Variants in PDE4B observed in about 807,000 individuals in gnomAD.
PDE4B encodes the protein phosphodiesterase 4B, also known as 3',5'-cyclic-AMP phosphodiesterase 4B.
A neutral mutation model predicts 82.2 loss-of-function variants in PDE4B; 20 were observed. That is an observed-to-expected ratio of 0.24 (90% CI 0.17 to 0.35). The LOEUF (loss-of-function observed/expected upper bound fraction) is 0.35, where lower values mean the gene tolerates loss of function less well. Among genes scored for constraint, PDE4B ranks in the 10% least tolerant of loss-of-function variants. PDE4B has a pLI of 1.00. For synonymous variants in PDE4B, 320 were observed against 318.9 expected, an observed-to-expected ratio of 1.00 and a Z score of -0.04; for missense variants, 655 against 907.2, an observed-to-expected ratio of 0.72 and a Z score of 3.57.
At position 65,962,887 on chromosome 1, in the gene PDE4B, C is replaced by G. The variant is rs76904554; in HGVS notation, c.281+44052C>G. Among the ~76,000 whole-genome samples the G allele has an allele frequency of 1.8e-4, 27 of 152,154 alleles. No homozygotes were observed. The East Asian group carries it at 5.2e-3, about 29-fold the overall frequency. ...AGTGGCTGCTATTAATAATTACAGA[C>G]GAAAACCTCCAAATCACTGGGAAAA... On this transcript the variant is annotated intron_variant, in intron 3 of 16. Coordinates refer to ENST00000341517, the MANE Select transcript of PDE4B (RefSeq NM_002600.4).
At chr1:66,272,126 G>A (rs572413458) in intron 7 of PDE4B, among the ~76,000 whole-genome samples, 5 of 152,296 alleles carry the variant, frequency 3.3e-5, no homozygotes, top group African/African-American at 7.2e-5. Context: ...CCAAACCCTA[G>A]CTGCTGCCTG....
intron 3 of PDE4B, among the ~76,000 whole-genome samples, chr1:66,100,887 T>A (rs1645208232): frequency 6.6e-6 from 1 of 152,140 alleles, no homozygotes; most frequent in African/African-American, 2.4e-5. Flanking sequence ...AACGTGCAGG[T>A]TTGTTGCATA....
chr1:65,794,777 G>A (rs1645612672), intron 1 of PDE4B, among the ~76,000 whole-genome samples: 1 of 152,112 alleles, frequency 6.6e-6, no homozygotes. Flanking sequence ...AAATGGACTG[G>A]AATTTATGAG....
chr1:65,897,797 G>A (rs1569601580), intron 1 of PDE4B, among the ~76,000 whole-genome samples: 2 of 151,982 alleles, frequency 1.3e-5, no homozygotes, highest in African/African-American at 4.8e-5. Context: ...ATTAAAATAT[G>A]AGTGCATGTG....
At chr1:66,202,956 A>G (rs968091209) in intron 3 of PDE4B, among the ~76,000 whole-genome samples, 1 of 151,776 alleles carries the variant, frequency 6.6e-6, no homozygotes, top group African/African-American at 2.4e-5. Context: ...TGGTCTTTAT[A>G]ATTTGGCATG....
intron 3 of PDE4B, among the ~76,000 whole-genome samples, chr1:66,097,862 GT>G (rs34619073): frequency 0.4 from 56,052 of 138,814 alleles, 11,134 homozygotes; most frequent in Non-Finnish European, 0.48. Flanking sequence ...TTGCTGCTGG[GT>G]TTTTTTTTTT....
intron 3 of PDE4B, among the ~76,000 whole-genome samples, chr1:66,000,579 A>G (rs1343806926): frequency 6.6e-6 from 1 of 152,192 alleles, no homozygotes; most frequent in African/African-American, 2.4e-5. Context: ...TTTGACATAA[A>G]TATGTTTGAA....
At chr1:66,090,616 A>AT (rs200925983) in intron 3 of PDE4B, among the ~76,000 whole-genome samples, 46,123 of 87,244 alleles carry the variant, frequency 0.53, 9,156 homozygotes, top group Middle Eastern at 0.59. Context: ...ATATGTATAT[A>AT]ATATATGTGT....
At chr1:66,313,394 T>A (rs980155706) in intron 7 of PDE4B, among the ~76,000 whole-genome samples, 1 of 152,204 alleles carries the variant, frequency 6.6e-6, no homozygotes, top group African/African-American at 2.4e-5. Context: ...TTGTTGCCCC[T>A]GAACCTTGCT....
At chr1:66,317,275 T>C (rs190100541) in intron 7 of PDE4B, among the ~76,000 whole-genome samples, 227 of 152,240 alleles carry the variant, frequency 1.5e-3, no homozygotes, top group African/African-American at 4.8e-3. Flanking sequence ...ACCCCATAAA[T>C]CACCTCAAGA....
intron 1 of PDE4B, among the ~76,000 whole-genome samples, chr1:65,796,884 C>T (rs1645637235): frequency 6.6e-6 from 1 of 151,856 alleles, no homozygotes; most frequent in South Asian, 2.1e-4. Flanking sequence ...CTCCTGACCT[C>T]ATGATCTGCC....
chr1:66,348,617 A>G (rs1241146159), intron 8 of PDE4B, among the ~76,000 whole-genome samples: 1 of 151,598 alleles, frequency 6.6e-6, no homozygotes, highest in Non-Finnish European at 1.5e-5. Flanking sequence ...TGGAAATCCA[A>G]TCTCTTCATA....
intron 3 of PDE4B, among the ~76,000 whole-genome samples, chr1:66,223,943 A>G (rs1490184644): frequency 6.6e-6 from 1 of 152,130 alleles, no homozygotes; most frequent in African/African-American, 2.4e-5. Flanking sequence ...GATAACTTCT[A>G]CGTGCATGTA....
chr1:66,205,744 A>G (rs1649493151), intron 3 of PDE4B, among the ~76,000 whole-genome samples: 1 of 152,240 alleles, frequency 6.6e-6, no homozygotes, highest in South Asian at 2.1e-4. Context: ...TTTTATGTCT[A>G]AAATAGATTC....
chr1:66,338,405 A>G (rs952168878), intron 8 of PDE4B, among the ~76,000 whole-genome samples: 2 of 152,130 alleles, frequency 1.3e-5, no homozygotes, highest in African/African-American at 2.4e-5. Context: ...GTTCAAATTT[A>G]TATTCTGTAG....
At chr1:66,030,671 G>A (rs770437817) in intron 3 of PDE4B, among the ~76,000 whole-genome samples, 3 of 151,996 alleles carry the variant, frequency 2.0e-5, no homozygotes, top group South Asian at 2.1e-4. Flanking sequence ...TATGTTCATC[G>A]CAGTGCTATT....
intron 3 of PDE4B, among the ~76,000 whole-genome samples, chr1:66,210,856 A>G (rs889619239): frequency 4.6e-5 from 7 of 152,192 alleles, no homozygotes; most frequent in African/African-American, 7.2e-5. Flanking sequence ...CCTGATCATA[A>G]GACCATATTA....
chr1:66,337,923 C>A (rs1660655046), intron 8 of PDE4B, among the ~76,000 whole-genome samples: 1 of 152,152 alleles, frequency 6.6e-6, no homozygotes, highest in Admixed American at 6.5e-5. Flanking sequence ...TGAGTTCTAG[C>A]CCTGCCTTTA....
intron 3 of PDE4B, among the ~76,000 whole-genome samples, chr1:66,140,589 TTCCTGCTGTTTA>T (rs1192240265): frequency 1.3e-5 from 2 of 152,214 alleles, no homozygotes; most frequent in Non-Finnish European, 2.9e-5. Flanking sequence ...CAGTCTTGTT[TTCCTGCTGTTTA>T]TAGAAATCCT....
Sources: gnomAD v4.1 joint callset for allele counts (sites outside exome capture counted in the v4.1 genomes callset) on GRCh38, gnomAD v4.1.1 for gene constraint, MANE v1.5 for transcripts, NCBI Gene and HGNC (gene_info 2026-07-23, HGNC 2026-07-21) for gene names.